THADA: variants seen among roughly 807,000 people sequenced by gnomAD.
THADA encodes tRNA (32-2'-O)-methyltransferase regulator THADA.
In THADA, 213 loss-of-function variants were observed where a neutral mutation model predicts 219.8. The ratio of observed to expected loss-of-function variants is 0.97; its 90% CI spans 0.87 to 1.09. The LOEUF (loss-of-function observed/expected upper bound fraction) is 1.09. Among genes scored for constraint, THADA ranks in the 50% least tolerant of loss-of-function variants. The probability of loss-of-function intolerance (pLI) is 0.00; values close to 1 mark genes in which losing one functional copy is unlikely to be tolerated. For missense variants in THADA, 2,956 were observed against 2,311.3 expected (o/e 1.28, Z -5.72); for synonymous variants, 1,018 against 828.9 (o/e 1.23, Z -3.92).
chr2:43,573,110 A>G, intron 11 of THADA, 118 bp from the exon 12 acceptor site: 1 of 824,632 alleles, frequency 1.2e-6, no homozygotes, highest in Non-Finnish European at 1.8e-6. Context: ...ATCACATTTT[A>G]AACTCATTTC....
At chr2:43,415,970 TGGG>T (rs568825103) in intron 28 of THADA, among the ~76,000 whole-genome samples, 1 of 151,932 alleles carries the variant, frequency 6.6e-6, no homozygotes, top group Non-Finnish European at 1.5e-5. Flanking sequence ...GAAAAAAGGG[TGGG>T]GGGATAATAA....
chr2:43,343,711 C>T (rs547623697), intron 30 of THADA: 5 of 155,294 alleles, frequency 3.2e-5, no homozygotes, highest in Non-Finnish European at 5.7e-5. Context: ...TTGCTATTCA[C>T]ACCCTATCTG....
chr2:43,526,140 T>C lies in THADA; in HGVS notation c.3374+1739A>G, dbSNP rs577988213. On this transcript the variant is annotated intron_variant, in intron 22 of 37. Coordinates refer to ENST00000405975, the MANE Select transcript of THADA (RefSeq NM_022065.5). ...TCAATAGGGCAAATACCCTTTTCCT[T>C]AAAGATGAAGAGATCAAAGGTTAGG... Among the ~76,000 whole-genome samples the C allele has an allele frequency of 1.4e-4, 21 of 152,346 alleles. 1 individual carries two copies. The South Asian group carries it at 4.1e-3, about 30-fold the overall frequency.
At chr2:43,517,734 A>C (rs1691905729) in intron 22 of THADA, among the ~76,000 whole-genome samples, 1 of 152,138 alleles carries the variant, frequency 6.6e-6, no homozygotes. Context: ...AGGGTCCATA[A>C]ATATTAATGT....
intron 36 of THADA, among the ~76,000 whole-genome samples, chr2:43,268,684 G>T (rs1014049840): frequency 6.6e-6 from 1 of 152,174 alleles, no homozygotes; most frequent in Non-Finnish European, 1.5e-5. Context: ...GGTCGCCACC[G>T]TGGCCAGTGA....
intron 31 of THADA, among the ~76,000 whole-genome samples, chr2:43,319,870 T>G (rs1678491264): frequency 1.3e-5 from 2 of 152,322 alleles, no homozygotes; most frequent in South Asian, 4.2e-4. Context: ...AAAATTTTAT[T>G]TGGAGTTGCC....
At chr2:43,570,532 A>G (rs1699177026) in intron 13 of THADA, 22 bp from the exon 14 acceptor site, 1 of 1,595,222 alleles carries the variant, frequency 6.3e-7, no homozygotes, top group South Asian at 1.1e-5. Flanking sequence ...AAGGAAATGA[A>G]GCACAGGTGA....
At chr2:43,355,926 T>A (rs1240457587) in intron 29 of THADA, among the ~76,000 whole-genome samples, 1 of 152,110 alleles carries the variant, frequency 6.6e-6, no homozygotes, top group Non-Finnish European at 1.5e-5. Flanking sequence ...AATATAAAAA[T>A]GTGAAAAAGA....
intron 22 of THADA, among the ~76,000 whole-genome samples, chr2:43,522,343 C>T (rs1692600912): frequency 6.6e-6 from 1 of 152,124 alleles, no homozygotes; most frequent in Admixed American, 6.5e-5. Context: ...CAGGCTAAAA[C>T]ATTAGGGGGC....
chr2:43,498,485 T>C (rs75097983), intron 25 of THADA, among the ~76,000 whole-genome samples: 12,696 of 152,006 alleles, frequency 0.084, 586 homozygotes, highest in South Asian at 0.13. Flanking sequence ...AGCACATAGA[T>C]TGGGAGGAGA....
At chr2:43,244,442 G>A (rs778003653) in intron 36 of THADA, among the ~76,000 whole-genome samples, 11 of 152,170 alleles carry the variant, frequency 7.2e-5, no homozygotes, top group Non-Finnish European at 1.5e-4. Flanking sequence ...CAGCCCTTCC[G>A]GGTGCTTCCA....
chr2:43,472,777 G>T (rs1573823880), intron 26 of THADA, among the ~76,000 whole-genome samples: 2 of 152,112 alleles, frequency 1.3e-5, no homozygotes, highest in Admixed American at 1.3e-4. Flanking sequence ...TAGGCTATAT[G>T]GTATAGCCTA....
intron 23 of THADA, among the ~76,000 whole-genome samples, chr2:43,506,062 G>A (rs1013149587): frequency 6.6e-6 from 1 of 152,236 alleles, no homozygotes; most frequent in Admixed American, 6.5e-5. Flanking sequence ...TGGCAGCTCT[G>A]ATAAAATAAA....
chr2:43,454,931 T>G (rs1029251362), intron 26 of THADA, among the ~76,000 whole-genome samples: 10 of 106,678 alleles, frequency 9.4e-5, no homozygotes, highest in Non-Finnish European at 1.9e-4. Context: ...TATGAGCTGT[T>G]TTTTTTTTCT....
At chr2:43,559,733 G>T (rs1448641663) in intron 16 of THADA, among the ~76,000 whole-genome samples, 2 of 152,228 alleles carry the variant, frequency 1.3e-5, no homozygotes, top group Admixed American at 1.3e-4. Context: ...ACTAGGAACT[G>T]TTGTTAACCT....
chr2:43,466,439 C>T (rs907907390), intron 26 of THADA, among the ~76,000 whole-genome samples: 1 of 152,164 alleles, frequency 6.6e-6, no homozygotes, highest in Admixed American at 6.5e-5. Context: ...AGTCCCTACT[C>T]ATCCCTACTC....
At chr2:43,517,839 C>A (rs1407065861) in intron 22 of THADA, among the ~76,000 whole-genome samples, 1 of 152,158 alleles carries the variant, frequency 6.6e-6, no homozygotes, top group Non-Finnish European at 1.5e-5. Context: ...AAAATCCAAA[C>A]TCATCCTGGC....
intron 22 of THADA, among the ~76,000 whole-genome samples, chr2:43,523,304 T>A (rs920286635): frequency 2.6e-5 from 4 of 151,534 alleles, no homozygotes; most frequent in African/African-American, 9.7e-5. Flanking sequence ...GAGGCAGAAG[T>A]TGCAATGAGC....
intron 22 of THADA, among the ~76,000 whole-genome samples, chr2:43,511,684 C>T (rs1056973619): frequency 1.5e-5 from 2 of 131,430 alleles, no homozygotes; most frequent in African/African-American, 3.0e-5. Flanking sequence ...ACTAAGCATT[C>T]GTTTATGGTC....
Sources: gnomAD v4.1 joint callset for allele counts (sites outside exome capture counted in the v4.1 genomes callset) on GRCh38, gnomAD v4.1.1 for gene constraint, MANE v1.5 for transcripts, NCBI Gene and HGNC (gene_info 2026-07-23, HGNC 2026-07-21) for gene names.